CCDC148: variants seen among roughly 807,000 people sequenced by gnomAD.
CCDC148 encodes coiled-coil domain-containing protein 148.
Under a neutral mutation model 85.7 loss-of-function variants are expected in CCDC148, and 89 were observed. That is an observed-to-expected ratio of 1.04 (90% CI 0.87 to 1.24). CCDC148 has a LOEUF of 1.24. Ranked by LOEUF, CCDC148 falls within the 50% of genes most tolerant of loss-of-function variation. CCDC148 has a pLI of 0.00. For synonymous variants in CCDC148, 230 were observed against 213.9 expected (o/e 1.08, Z -0.66); for missense variants, 692 against 671.7 (o/e 1.03, Z -0.33).
intron 1 of CCDC148, among the ~76,000 whole-genome samples, chr2:158,405,199 A>G (rs1215884195): frequency 6.6e-6 from 1 of 152,136 alleles, no homozygotes; most frequent in Non-Finnish European, 1.5e-5. Flanking sequence ...TAGTCACAAG[A>G]CTTCTCCTTG....
At chr2:158,416,079 TC>T (rs1052461927) in intron 1 of CCDC148, among the ~76,000 whole-genome samples, 6 of 152,344 alleles carry the variant, frequency 3.9e-5, no homozygotes, top group African/African-American at 1.4e-4. Context: ...CATGGAAGCT[TC>T]CAAGGCTTGT....
chr2:158,402,864 T>C (rs879298108), intron 1 of CCDC148, among the ~76,000 whole-genome samples: 12 of 152,204 alleles, frequency 7.9e-5, no homozygotes, highest in Non-Finnish European at 1.8e-4. Flanking sequence ...AGTAATATCT[T>C]TATTTGAAGG....
intron 11 of CCDC148, among the ~76,000 whole-genome samples, chr2:158,184,563 T>C (rs1337424087): frequency 6.6e-6 from 1 of 152,144 alleles, no homozygotes; most frequent in East Asian, 1.9e-4. Flanking sequence ...AATTTATTCA[T>C]AAACTTCCAA....
At chr2:158,285,288 C>CAAAA (rs536016379) in intron 9 of CCDC148, among the ~76,000 whole-genome samples, 7 of 96,226 alleles carry the variant, frequency 7.3e-5, no homozygotes, top group African/African-American at 2.4e-4. Flanking sequence ...AACTCCATTT[C>CAAAA]AAAAAAAAAA....
chr2:158,189,659 C>A (rs1428904374), intron 11 of CCDC148, among the ~76,000 whole-genome samples: 2 of 152,000 alleles, frequency 1.3e-5, no homozygotes, highest in East Asian at 3.9e-4. Flanking sequence ...ATAACAGAAA[C>A]CTTTCTCAAT....
intron 11 of CCDC148, among the ~76,000 whole-genome samples, chr2:158,209,073 T>C (rs1686413467): frequency 6.6e-6 from 1 of 150,792 alleles, no homozygotes; most frequent in African/African-American, 2.4e-5. Context: ...ATATGTTATA[T>C]ATACATACAT....
At position 158,338,833 on chromosome 2, in the gene CCDC148, G is replaced by A. The variant is rs375854120; in HGVS notation, c.657C>T (p.Cys219=). Residue 219 remains cysteine, a synonymous_variant, in exon 7 of 14, where the codon TGC becomes TGT. Coordinates refer to ENST00000283233, the MANE Select transcript of CCDC148 (RefSeq NM_138803.4). ...ELPIELESLE[C]PYPDLKSSIL... is the part of the protein sequence containing the mutation. ...TTGAAGATTTCAAATCAGGGTATGG[G>A]CATTCCAAACTTTCTAATTCAATGG... 1.9e-6 allele frequency: 3 copies of A among 1,612,728 alleles called. No homozygotes were observed. In the South Asian group the frequency reaches 3.3e-5, roughly 18 times the overall value.
intron 2 of CCDC148, among the ~76,000 whole-genome samples, chr2:158,354,790 G>A (rs1683534053): frequency 6.6e-6 from 1 of 150,706 alleles, no homozygotes; most frequent in Non-Finnish European, 1.5e-5. Context: ...GAGAATTTTA[G>A]ACCAATATCC....
intron 1 of CCDC148, among the ~76,000 whole-genome samples, chr2:158,437,315 G>T (rs1022410817): frequency 3.9e-5 from 6 of 152,160 alleles, no homozygotes; most frequent in African/African-American, 1.4e-4. Context: ...ATACAAGGCT[G>T]GTTCAACATA....
chr2:158,420,950 A>T (rs543011547), intron 1 of CCDC148, among the ~76,000 whole-genome samples: 101 of 152,300 alleles, frequency 6.6e-4, no homozygotes, highest in Non-Finnish European at 1.1e-3. Flanking sequence ...AGTCTCTGAC[A>T]AAAGAGACTT....
intron 1 of CCDC148, among the ~76,000 whole-genome samples, chr2:158,449,033 G>A (rs1160527087): frequency 2.6e-5 from 4 of 151,800 alleles, no homozygotes; most frequent in Non-Finnish European, 5.9e-5. Flanking sequence ...TCACCATGTT[G>A]GCCAGGCTGC....
intron 12 of CCDC148, chr2:158,178,218 C>T (rs1574341656): frequency 6.6e-6 from 1 of 152,036 alleles, no homozygotes; most frequent in Non-Finnish European, 1.5e-5. Flanking sequence ...ACCAAGTAGT[C>T]CTTTCCTATT....
chr2:158,400,843 A>C (rs147212700), intron 1 of CCDC148, among the ~76,000 whole-genome samples: 11,507 of 152,292 alleles, frequency 0.076, 576 homozygotes, highest in Middle Eastern at 0.11. Context: ...AGCTACAAAG[A>C]ACTTAAACAA....
intron 2 of CCDC148, 114 bp downstream of exon 2, chr2:158,358,335 G>C: frequency 8.1e-7 from 1 of 1,237,786 alleles, no homozygotes; most frequent in Non-Finnish European, 1.1e-6. Flanking sequence ...TTTCTACTTG[G>C]GAGTTTCTAA....
intron 11 of CCDC148, among the ~76,000 whole-genome samples, chr2:158,219,893 T>C (rs79271547): frequency 0.069 from 10,507 of 152,294 alleles, 495 homozygotes; most frequent in East Asian, 0.13. Context: ...TAGGGTATTC[T>C]TTAGCATGCT....
At chr2:158,230,482 C>T (rs769582890) in intron 10 of CCDC148, among the ~76,000 whole-genome samples, 28 of 152,016 alleles carry the variant, frequency 1.8e-4, no homozygotes, top group Non-Finnish European at 3.8e-4. Flanking sequence ...GGGAAGACCT[C>T]GCATATGTTG....
chr2:158,303,250 G>GT (rs1691531438), intron 9 of CCDC148, among the ~76,000 whole-genome samples: 1 of 152,108 alleles, frequency 6.6e-6, no homozygotes, highest in South Asian at 2.1e-4. Context: ...ATACAATGAA[G>GT]TAATATTTTT....
At chr2:158,340,072 G>A (rs970322547) in intron 5 of CCDC148, among the ~76,000 whole-genome samples, 170 bp downstream of exon 5, 9 of 152,102 alleles carry the variant, frequency 5.9e-5, no homozygotes, top group African/African-American at 2.2e-4. Context: ...GTTCAGGCAT[G>A]TGTTTAAAAT....
intron 9 of CCDC148, among the ~76,000 whole-genome samples, chr2:158,304,997 C>A (rs923113025): frequency 1.3e-5 from 2 of 152,092 alleles, no homozygotes; most frequent in Non-Finnish European, 2.9e-5. Context: ...GAGGAATTTG[C>A]ACCCACTCTC....
Sources: allele counts gnomAD v4.1 joint callset (sites outside exome capture counted in the v4.1 genomes callset), GRCh38; gene constraint gnomAD v4.1.1; transcripts MANE v1.5; gene names NCBI Gene and HGNC (gene_info 2026-07-23, HGNC 2026-07-21).